Variants in CYP2J2 observed in about 807,000 individuals in gnomAD.
CYP2J2 encodes cytochrome P450 2J2.
A neutral mutation model predicts 48.8 loss-of-function variants in CYP2J2; 41 were observed. That is an observed-to-expected ratio of 0.84 (90% CI 0.66 to 1.09). The LOEUF (loss-of-function observed/expected upper bound fraction) is 1.09. Ranked by LOEUF, CYP2J2 falls within the 50% of genes least tolerant of loss-of-function variation. The pLI is 0.00. For missense variants in CYP2J2, 644 were observed against 617.3 expected, an observed-to-expected ratio of 1.04 and a Z score of -0.46; for synonymous variants, 221 against 227.1, an observed-to-expected ratio of 0.97 and a Z score of 0.24.
At chr1:59,939,945 T>C in the CYP2J2 span, among the ~76,000 whole-genome samples, 7 of 152,116 alleles carry the variant, frequency 4.6e-5, no homozygotes, top group Admixed American at 4.6e-4. Flanking sequence ...TGGTGAATGC[T>C]GCCTGGCCTG....
chr1:59,921,213 T>C (rs113076048), intron 1 of CYP2J2, among the ~76,000 whole-genome samples: 2 of 152,330 alleles, frequency 1.3e-5, no homozygotes, highest in African/African-American at 4.8e-5. Context: ...AACCATGTCA[T>C]GAAAAGTCAG....
intron 2 of CYP2J2, among the ~76,000 whole-genome samples, chr1:59,914,493 A>G (rs934599026): frequency 6.6e-6 from 1 of 152,102 alleles, no homozygotes; most frequent in East Asian, 1.9e-4. Context: ...CTTTGCCCCA[A>G]TCTCTTTGCC....
At chr1:59,897,295 G>T (rs967838422) in intron 8 of CYP2J2, among the ~76,000 whole-genome samples, 1 of 152,066 alleles carries the variant, frequency 6.6e-6, no homozygotes, top group African/African-American at 2.4e-5. Flanking sequence ...CAGGAACCAG[G>T]GTTAAAGAAC....
chr1:59,904,694 C>T (rs1644350055), intron 7 of CYP2J2, among the ~76,000 whole-genome samples, 177 bp downstream of exon 7: 1 of 152,046 alleles, frequency 6.6e-6, no homozygotes, highest in Admixed American at 6.6e-5. Context: ...TGCTCCCCTC[C>T]CCACAATACC....
the CYP2J2 span, among the ~76,000 whole-genome samples, chr1:59,945,072 G>T: frequency 6.6e-6 from 1 of 152,028 alleles, no homozygotes; most frequent in Non-Finnish European, 1.5e-5. Flanking sequence ...AATGTAGCCA[G>T]AATTATCAAA....
intron 8 of CYP2J2, among the ~76,000 whole-genome samples, chr1:59,897,841 G>A (rs534711505): frequency 3.3e-5 from 5 of 152,130 alleles, no homozygotes; most frequent in East Asian, 1.9e-4. Context: ...TGAGGACTTC[G>A]GAAGAGTCCT....
chr1:59,901,913 A>C (rs917178737), intron 7 of CYP2J2, among the ~76,000 whole-genome samples: 1 of 151,990 alleles, frequency 6.6e-6, no homozygotes, highest in South Asian at 2.1e-4. Flanking sequence ...CCACCTCCAC[A>C]GCCCCCACTG....
At chr1:59,908,197 T>C (rs1644381564) in intron 5 of CYP2J2, among the ~76,000 whole-genome samples, 1 of 152,110 alleles carries the variant, frequency 6.6e-6, no homozygotes, top group Non-Finnish European at 1.5e-5. Flanking sequence ...TTTAGTACAG[T>C]GAAAGGAGAA....
chr1:59,906,743 T>C (rs181105838), intron 6 of CYP2J2, among the ~76,000 whole-genome samples: 7 of 152,328 alleles, frequency 4.6e-5, no homozygotes, highest in African/African-American at 1.7e-4. Flanking sequence ...ACAGTGCTTA[T>C]CTGTTTGTTA....
chr1:59,949,290 T>A, the CYP2J2 span, among the ~76,000 whole-genome samples: 1 of 152,200 alleles, frequency 6.6e-6, no homozygotes, highest in Non-Finnish European at 1.5e-5. Flanking sequence ...TTTCTAGTCA[T>A]TTTTCAAAAG....
intron 8 of CYP2J2, among the ~76,000 whole-genome samples, chr1:59,898,166 T>G: frequency 6.6e-6 from 1 of 152,226 alleles, no homozygotes; most frequent in South Asian, 2.1e-4. Context: ...TCATAGCTCT[T>G]CCCATCAAAA....
intron 1 of CYP2J2, among the ~76,000 whole-genome samples, chr1:59,922,252 G>A (rs548531601): frequency 2.6e-5 from 4 of 152,176 alleles, no homozygotes; most frequent in Middle Eastern, 3.4e-3. Flanking sequence ...TGAATAACCC[G>A]GGCAGTTCAC....
At chr1:59,938,267 C>T in the CYP2J2 span, among the ~76,000 whole-genome samples, 5 of 152,144 alleles carry the variant, frequency 3.3e-5, no homozygotes, top group Non-Finnish European at 7.3e-5. Flanking sequence ...GAACAGTGGC[C>T]CCAGGGAACT....
the CYP2J2 span, among the ~76,000 whole-genome samples, chr1:59,962,289 T>A: frequency 6.3e-3 from 962 of 152,260 alleles, 26 homozygotes; most frequent in Admixed American, 0.057. Flanking sequence ...TGTAAACCTA[T>A]AACCTAAGTA....
Position 59,925,180 on chromosome 1 carries a change from A to G in CYP2J2, c.210+1357T>C, listed in dbSNP as rs11572198. ...AACTACTAGAACTGAATGGAGAAAT[A>G]GATACTCTCAACTGTCCTTTGAAAC... is the stretch of plus-strand genomic sequence containing the variant. On this transcript the variant is annotated intron_variant, in intron 1 of 8. Coordinates refer to ENST00000371204, the MANE Select transcript of CYP2J2 (RefSeq NM_000775.4). Among the ~76,000 whole-genome samples, 634 of 152,316 alleles carry G rather than the reference A, an allele frequency of 4.2e-3. 8 individuals carry two copies. The highest frequency in any genetic ancestry group is 0.015 in the African/African-American group (609 of 41,588).
At chr1:59,910,747 T>C (rs913750316) in intron 4 of CYP2J2, among the ~76,000 whole-genome samples, 4 of 151,928 alleles carry the variant, frequency 2.6e-5, no homozygotes, top group African/African-American at 9.7e-5. Context: ...ATACTTGGGG[T>C]CAACTTCTCC....
rs937029095 is a variant in CYP2J2 at position 59,893,412 on chromosome 1, C to G, written c.*239G>C. 1 of 404,792 alleles carries G rather than the reference C, an allele frequency of 2.5e-6. No individual in the cohort carries two copies. The highest frequency in any genetic ancestry group is 4.4e-6 in the Non-Finnish European group (1 of 228,536). The allele number at this position is 404,792 out of a possible 1,614,324, so 25.1% of individuals were successfully genotyped here. Reference sequence around the variant, plus strand: ...CTTTCTTTATGGAAGGAAACATTATCCTCTTTTCATCTCCTAGATAAAAAG... The same window carrying G: ...CTTTCTTTATGGAAGGAAACATTATGCTCTTTTCATCTCCTAGATAAAAAG... On this transcript the variant is annotated 3_prime_UTR_variant, in exon 9 of 9. Coordinates refer to ENST00000371204, the MANE Select transcript of CYP2J2 (RefSeq NM_000775.4).
At chr1:59,908,511 A>G (rs1273588330) in intron 5 of CYP2J2, among the ~76,000 whole-genome samples, 1 of 152,154 alleles carries the variant, frequency 6.6e-6, no homozygotes, top group Non-Finnish European at 1.5e-5. Flanking sequence ...GATTCTACCA[A>G]CCATTCCTCA....
In CYP2J2 at chr1:59,911,730, C is replaced by T. The variant is rs529370939; in HGVS notation, c.562G>A (p.Val188Ile). 7 of 1,613,592 alleles carry T rather than the reference C, an allele frequency of 4.3e-6. No individual in the cohort carries two copies. In the South Asian group the frequency reaches 5.5e-5, roughly 13 times the overall value. The change falls in exon 4 of 9, where the codon GTT becomes ATT. Residue 188 changes from valine (V) to isoleucine (I), a missense_variant. Coordinates refer to ENST00000371204, the MANE Select transcript of CYP2J2 (RefSeq NM_000775.4). ...FDPHFKINNA[V>I]SNIICSITFG... The stretch of plus-strand genomic sequence containing the variant: ...GTGATGGAGCAAATGATATTGGAAA[C>T]TGCATTGTTGATCTTGAAATGAGGG...
Sources: gnomAD v4.1 joint callset for allele counts (sites outside exome capture counted in the v4.1 genomes callset) on GRCh38, gnomAD v4.1.1 for gene constraint, MANE v1.5 for transcripts, NCBI Gene and HGNC (gene_info 2026-07-23, HGNC 2026-07-21) for gene names.